Variants in DPYD observed in about 807,000 individuals in gnomAD.
DPYD encodes dihydropyrimidine dehydrogenase, also known as dihydropyrimidine dehydrogenase [NADP(+)].
In DPYD, 109 loss-of-function variants were observed where a neutral mutation model predicts 116.2. That is an observed-to-expected ratio of 0.94 (90% CI 0.80 to 1.10). The LOEUF (loss-of-function observed/expected upper bound fraction) is 1.10. DPYD is among the 50% of genes least tolerant of loss of function. The probability of loss-of-function intolerance (pLI) is 0.00; values close to 1 mark genes in which losing one functional copy is unlikely to be tolerated. For missense variants in DPYD, 1,302 were observed against 1,254.5 expected (o/e 1.04, Z -0.57); for synonymous variants, 440 against 432.0 (o/e 1.02, Z -0.23).
At chr1:97,567,302 C>T (rs574837725) in intron 11 of DPYD, among the ~76,000 whole-genome samples, 1 of 151,886 alleles carries the variant, frequency 6.6e-6, no homozygotes, top group East Asian at 1.9e-4. Context: ...ATAAGAGGAA[C>T]TGATGAGTGA....
intron 13 of DPYD, among the ~76,000 whole-genome samples, chr1:97,462,120 G>A (rs1398670027): frequency 6.6e-6 from 1 of 152,032 alleles, no homozygotes; most frequent in South Asian, 2.1e-4. Flanking sequence ...AATTAACCAA[G>A]TAAACAAAGA....
chr1:97,787,645 GA>G (rs914739795), intron 3 of DPYD, among the ~76,000 whole-genome samples: 14 of 150,052 alleles, frequency 9.3e-5, no homozygotes, highest in African/African-American at 2.2e-4. Flanking sequence ...TCATAAAAAA[GA>G]AAAAAAAAGC....
chr1:97,895,349 T>C (rs1391595584), intron 1 of DPYD, among the ~76,000 whole-genome samples: 2 of 151,702 alleles, frequency 1.3e-5, no homozygotes, highest in Non-Finnish European at 2.9e-5. Context: ...AGTCAACAAA[T>C]AGAGATGCTG....
At chr1:97,782,532 G>T (rs1490480471) in intron 3 of DPYD, among the ~76,000 whole-genome samples, 8 of 152,134 alleles carry the variant, frequency 5.3e-5, no homozygotes, top group Non-Finnish European at 1.2e-4. Context: ...TTTGCTGGGG[G>T]CACTGCCATG....
chr1:97,564,887 T>C (rs944396696), intron 11 of DPYD, among the ~76,000 whole-genome samples: 12 of 152,132 alleles, frequency 7.9e-5, no homozygotes, highest in African/African-American at 2.9e-4. Flanking sequence ...GACACTGTAG[T>C]TCCACACTCC....
intron 12 of DPYD, among the ~76,000 whole-genome samples, chr1:97,522,518 C>T (rs984371732): frequency 1.4e-4 from 21 of 151,908 alleles, no homozygotes; most frequent in Admixed American, 1.4e-3. Flanking sequence ...GTCAGTAGAT[C>T]GAGACCATCC....
At chr1:97,159,217 T>C (rs1307637004) in intron 20 of DPYD, among the ~76,000 whole-genome samples, 3 of 151,910 alleles carry the variant, frequency 2.0e-5, no homozygotes, top group Non-Finnish European at 2.9e-5. Flanking sequence ...ATAATAAATA[T>C]GGCAAAGTAA....
At chr1:97,547,005 A>C in intron 12 of DPYD, 2 of 1,566,548 alleles carry the variant, frequency 1.3e-6, no homozygotes, top group South Asian at 2.2e-5. Context: ...CATATTTGCA[A>C]TTTTTTGCTG....
chr1:97,334,792 A>T (rs536845736), intron 16 of DPYD, among the ~76,000 whole-genome samples: 1 of 152,172 alleles, frequency 6.6e-6, no homozygotes, highest in South Asian at 2.1e-4. Flanking sequence ...GTCATTTTGG[A>T]TATCAGTGCT....
At chr1:97,661,060 A>T (rs576451172) in intron 8 of DPYD, among the ~76,000 whole-genome samples, 1 of 152,282 alleles carries the variant, frequency 6.6e-6, no homozygotes, top group East Asian at 1.9e-4. Flanking sequence ...ATGAGGTACC[A>T]TGGAAGTTTG....
intron 16 of DPYD, among the ~76,000 whole-genome samples, chr1:97,314,496 T>TTC (rs1436840190): frequency 2.7e-5 from 4 of 149,990 alleles, no homozygotes; most frequent in Admixed American, 1.3e-4. Context: ...CTTTCTTTTT[T>TTC]TTTTTTTTTT....
rs138642084 is a variant in DPYD at position 97,440,815 on chromosome 1, G to T, written c.1905+9244C>A. 3.8e-3 allele frequency among the ~76,000 whole-genome samples: 583 copies of T among 152,268 alleles called. 1 individual carries two copies. Among genetic ancestry groups the T allele is most frequent in the African/African-American group, 0.012 (511 of 41,544 alleles). ...ATTCTGGTGGTCTTTATTCCATTGTGTAGAACCACAGTTTGACCTGGCATC... is the reference window on the plus strand; with the variant it reads ...ATTCTGGTGGTCTTTATTCCATTGTTTAGAACCACAGTTTGACCTGGCATC... On this transcript the variant is annotated intron_variant, in intron 14 of 22. Transcript: ENST00000370192.
intron 10 of DPYD, among the ~76,000 whole-genome samples, 199 bp downstream of exon 10, chr1:97,593,019 C>G (rs919990432): frequency 1.3e-5 from 2 of 152,166 alleles, no homozygotes; most frequent in South Asian, 2.1e-4. Flanking sequence ...GATTAAATTT[C>G]TCATTTTACC....
intron 13 of DPYD, among the ~76,000 whole-genome samples, chr1:97,480,454 C>T (rs1011458419): frequency 6.6e-6 from 1 of 151,996 alleles, no homozygotes; most frequent in South Asian, 2.1e-4. Flanking sequence ...AACAGGAAGT[C>T]AATAGAAAAT....
At chr1:97,306,925 C>T (rs12037001) in intron 16 of DPYD, among the ~76,000 whole-genome samples, 7,815 of 151,948 alleles carry the variant, frequency 0.051, 458 homozygotes, top group East Asian at 0.19. Flanking sequence ...TCAGCACTCA[C>T]AAACTTGACA....
In DPYD at chr1:97,611,190, A is replaced by G. The variant is rs189363360; in HGVS notation, c.851-16024T>C. 4.1e-3 allele frequency among the ~76,000 whole-genome samples: 631 copies of G among 152,220 alleles called. 1 individual carries two copies. Among genetic ancestry groups the G allele is most frequent in the South Asian group, 8.1e-3 (39 of 4,828 alleles). Reference sequence around the variant, plus strand: ...CAAGGAGGAGCAAGTCACATCTTACATGGAAGGCAGCAGGCAAAAAGAGAG... The same window carrying G: ...CAAGGAGGAGCAAGTCACATCTTACGTGGAAGGCAGCAGGCAAAAAGAGAG... On this transcript the variant is annotated intron_variant, in intron 8 of 22. Coordinates refer to ENST00000370192, the MANE Select transcript of DPYD (RefSeq NM_000110.4).
At chr1:97,129,564 C>T (rs1399034981) in intron 20 of DPYD, among the ~76,000 whole-genome samples, 1 of 151,998 alleles carries the variant, frequency 6.6e-6, no homozygotes, top group African/African-American at 2.4e-5. Flanking sequence ...TTTCCTCTCC[C>T]ATCTCTCTCA....
chr1:97,860,411 A>C (rs919961063), intron 2 of DPYD, among the ~76,000 whole-genome samples: 1 of 152,180 alleles, frequency 6.6e-6, no homozygotes, highest in Admixed American at 6.5e-5. Flanking sequence ...AAAGAGAAAA[A>C]CATAAAATTA....
At chr1:97,663,639 T>A (rs1659391188) in intron 8 of DPYD, among the ~76,000 whole-genome samples, 1 of 152,148 alleles carries the variant, frequency 6.6e-6, no homozygotes, top group Non-Finnish European at 1.5e-5. Context: ...ACCTCTCACA[T>A]CAAAATCCTT....
Sources: gnomAD v4.1 joint callset for allele counts (sites outside exome capture counted in the v4.1 genomes callset) on GRCh38, gnomAD v4.1.1 for gene constraint, MANE v1.5 for transcripts, NCBI Gene and HGNC (gene_info 2026-07-23, HGNC 2026-07-21) for gene names.